Variants in RNF145 observed in about 807,000 individuals in gnomAD.
RNF145 encodes the protein ring finger protein 145.
RNF145 carries 12 observed loss-of-function variants against 57.3 expected under a neutral mutation model. That is an observed-to-expected ratio of 0.21 (90% CI 0.13 to 0.34). RNF145 has a LOEUF of 0.34. Ranked by LOEUF, RNF145 falls within the 10% of genes least tolerant of loss-of-function variation. RNF145 has a pLI of 1.00. For synonymous variants in RNF145, 262 were observed against 288.3 expected (o/e 0.91, Z 0.92); for missense variants, 429 against 799.0 (o/e 0.54, Z 5.58).
intron 10 of RNF145, among the ~76,000 whole-genome samples, chr5:159,159,921 C>G (rs1200363485): frequency 6.6e-6 from 1 of 152,160 alleles, no homozygotes; most frequent in South Asian, 2.1e-4. Context: ...GAACTGGTAA[C>G]ATCTGGGAGT....
intron 3 of RNF145, among the ~76,000 whole-genome samples, chr5:159,192,967 C>T (rs372402356): frequency 2.6e-4 from 39 of 152,300 alleles, no homozygotes; most frequent in Middle Eastern, 3.4e-3. Context: ...TGTCTCCATC[C>T]TCAGCCTGAG....
intron 1 of RNF145, 25 bp from the exon 2 acceptor site, chr5:159,203,681 T>C: frequency 6.7e-7 from 1 of 1,486,946 alleles, no homozygotes; most frequent in Non-Finnish European, 9.1e-7. Flanking sequence ...ACACAATATA[T>C]AAAAATAAAA....
chr5:159,194,928 A>G, intron 2 of RNF145, 104 bp from the exon 3 acceptor site: 1 of 776,190 alleles, frequency 1.3e-6, no homozygotes, highest in Non-Finnish European at 2.0e-6. Flanking sequence ...AGGTTTCAGT[A>G]CTTTCTGAGG....
intron 10 of RNF145, among the ~76,000 whole-genome samples, chr5:159,160,757 C>T (rs1261832529): frequency 6.6e-6 from 1 of 152,170 alleles, no homozygotes; most frequent in African/African-American, 2.4e-5. Flanking sequence ...AGTTTGGTAG[C>T]CTTTACCATA....
At chr5:159,161,707 T>G in intron 9 of RNF145, 85 bp from the exon 10 acceptor site, 1 of 804,506 alleles carries the variant, frequency 1.2e-6, no homozygotes, top group Non-Finnish European at 2.0e-6. Context: ...AACACATTCC[T>G]GATGTTTTTA....
chr5:159,198,489 G>C (rs1416570391), intron 2 of RNF145, among the ~76,000 whole-genome samples: 1 of 152,144 alleles, frequency 6.6e-6, no homozygotes, highest in Non-Finnish European at 1.5e-5. Flanking sequence ...AGTCAGCCAT[G>C]AGATACATAT....
chr5:159,184,876 C>T (rs953846008), intron 3 of RNF145, among the ~76,000 whole-genome samples: 1 of 151,930 alleles, frequency 6.6e-6, no homozygotes, highest in Non-Finnish European at 1.5e-5. Context: ...CATTACTTTG[C>T]GATTTGCTGT....
intron 1 of RNF145, among the ~76,000 whole-genome samples, chr5:159,204,827 A>G (rs10475670): frequency 0.049 from 5,169 of 105,448 alleles, 177 homozygotes; most frequent in Middle Eastern, 0.062. Context: ...AAAAAAAAAA[A>G]GCAAACAAAA....
chr5:159,209,772 A>C, upstream of RNF145: 2 of 1,368,786 alleles, frequency 1.5e-6, no homozygotes, highest in Non-Finnish European at 2.0e-6. Flanking sequence ...CTGGACGCGC[A>C]CTGTGACAGG....
intron 1 of RNF145, chr5:159,208,185 G>C: frequency 7.4e-7 from 1 of 1,357,160 alleles, no homozygotes; most frequent in South Asian, 1.6e-5. Context: ...AACCCAGCTC[G>C]CGGCAAGCAG....
intron 4 of RNF145, 135 bp downstream of exon 4, chr5:159,181,825 G>A: frequency 1.8e-6 from 1 of 554,730 alleles, no homozygotes; most frequent in Non-Finnish European, 3.3e-6. Flanking sequence ...ACCAAACAAT[G>A]GGTATATGTG....
At chr5:159,207,753 A>G (rs1785946846) in intron 1 of RNF145, 2 of 1,614,050 alleles carry the variant, frequency 1.2e-6, no homozygotes, top group Non-Finnish European at 1.7e-6. Flanking sequence ...CTTTGTATGT[A>G]CCTGATCTCC....
chr5:159,163,097 T>C lies in RNF145; in HGVS notation c.1122-18A>G, dbSNP rs1023577194. 4 of 1,580,122 alleles carry C rather than the reference T, an allele frequency of 2.5e-6. No homozygotes were observed. The highest frequency in any genetic ancestry group is 3.4e-6 in the Non-Finnish European group (4 of 1,169,120). On this transcript the variant is annotated intron_variant, in intron 8 of 10. Coordinates refer to ENST00000424310, the MANE Select transcript of RNF145 (RefSeq NM_001199383.2). ...ACAAGCTCCTGGAGAAAGACAAAAT[T>C]ATTCTTTTTAAGTGCCTGCCACCTA...
rs139291092 is a variant in RNF145, at chr5:159,159,044, G to A, written c.1627-9C>T. ...ACAGCAGATTTCATGTCCTAAAAGA[G>A]GGGGAAAAAAGATACCTTATAAATG... On this transcript the variant is annotated splice_polypyrimidine_tract_variant and intron_variant, in intron 10 of 10. Coordinates refer to ENST00000424310, the MANE Select transcript of RNF145 (RefSeq NM_001199383.2). The A allele has an allele frequency of 1.6e-4, 248 of 1,598,004 alleles. 1 individual carries two copies. The African/African-American group carries it at 3.0e-3, about 19-fold the overall frequency.
At chr5:159,178,931 A>C (rs1053146484) in intron 4 of RNF145, among the ~76,000 whole-genome samples, 1 of 152,080 alleles carries the variant, frequency 6.6e-6, no homozygotes, top group Non-Finnish European at 1.5e-5. Context: ...CAAAGCATTA[A>C]TTTTGGCCTT....
At chr5:159,172,170 T>C (rs1177033881) in intron 6 of RNF145, among the ~76,000 whole-genome samples, 1 of 152,208 alleles carries the variant, frequency 6.6e-6, no homozygotes, top group East Asian at 1.9e-4. Flanking sequence ...TCTTTCTCTC[T>C]ATATGCAGTT....
chr5:159,197,905 T>C (rs1057499212), intron 2 of RNF145, among the ~76,000 whole-genome samples: 2 of 151,774 alleles, frequency 1.3e-5, no homozygotes, highest in Non-Finnish European at 2.9e-5. Context: ...TACAGTGAGG[T>C]TATGATTGCC....
chr5:159,171,371 T>TA (rs1278201818), intron 6 of RNF145, among the ~76,000 whole-genome samples: 10 of 152,194 alleles, frequency 6.6e-5, no homozygotes, highest in Non-Finnish European at 2.9e-5. Flanking sequence ...TCTCTATTTT[T>TA]ACGGACCTTT....
chr5:159,209,504 T>TCAGCGGCGGCGGCGG lies in RNF145; in HGVS notation c.-314_-313insCCGCCGCCGCCGCTG. 1 of 965,428 alleles carries TCAGCGGCGGCGGCGG rather than the reference T, an allele frequency of 1.0e-6. No individual in the cohort carries two copies. Among genetic ancestry groups the TCAGCGGCGGCGGCGG allele is most frequent in the East Asian group, 1.2e-4 (1 of 8,518 alleles). The allele number at this position is 965,428 out of a possible 1,614,324, so 59.8% of individuals were successfully genotyped here. ...AGCCCCTTAGCAGCCGGCGCCGGCG[T>TCAGCGGCGGCGGCGG]CGGCGGCCATGGCCTCCTGCGTTTG... On this transcript the variant is annotated 5_prime_UTR_variant, in exon 1 of 11. Transcript: ENST00000424310.
Sources: allele counts gnomAD v4.1 joint callset (sites outside exome capture counted in the v4.1 genomes callset), GRCh38; gene constraint gnomAD v4.1.1; transcripts MANE v1.5; gene names NCBI Gene and HGNC (gene_info 2026-07-23, HGNC 2026-07-21).